The following ZDHHC11B variants were observed in gnomAD, a reference collection of about 807,000 sequenced individuals.
The protein encoded by ZDHHC11B is zDHHC palmitoyltransferase 11B (putative), also known as probable palmitoyltransferase ZDHHC11B.
In ZDHHC11B, 17 loss-of-function variants were observed where a neutral mutation model predicts 42.3. That is an observed-to-expected ratio of 0.40 (90% confidence interval 0.27 to 0.60). The LOEUF is 0.60. Among genes scored for constraint, ZDHHC11B ranks in the 20% least tolerant of loss-of-function variants. ZDHHC11B has a pLI of 0.41. For missense variants in ZDHHC11B, 262 were observed against 463.2 expected (o/e 0.57, Z 3.99); for synonymous variants, 123 against 193.5 (o/e 0.64, Z 3.02).
intron 1 of ZDHHC11B, among the ~76,000 whole-genome samples, chr5:784,191 A>ATC (rs1187143363): frequency 3.1e-3 from 466 of 148,840 alleles, no homozygotes; most frequent in African/African-American, 0.011. Flanking sequence ...GTGGCCAGGG[A>ATC]TCTCAAAACG....
At chr5:775,640 G>C (rs1736411373) in intron 1 of ZDHHC11B, among the ~76,000 whole-genome samples, 2 of 150,818 alleles carry the variant, frequency 1.3e-5, no homozygotes, top group Admixed American at 1.3e-4. Flanking sequence ...GATGACAATG[G>C]GTTCCCTGGT....
Position 763,658 on chromosome 5 carries a change from C to T in ZDHHC11B, c.222+3040G>A, listed in dbSNP as rs1233230678. Among the ~76,000 whole-genome samples, 2 of 151,686 alleles carry T rather than the reference C, an allele frequency of 1.3e-5. 1 individual carries two copies. The highest frequency in any genetic ancestry group is 2.9e-5 in the Non-Finnish European group (2 of 67,870). On this transcript the variant is annotated intron_variant, in intron 4 of 13. Coordinates refer to ENST00000508859, the MANE Select transcript of ZDHHC11B (RefSeq NM_001351303.2). ...CAGCAGCCCCATGGCACGTGGGCTCCTGATGTGAGCCACGCATCTGTAGAG... is the reference window on the plus strand; with the variant it reads ...CAGCAGCCCCATGGCACGTGGGCTCTTGATGTGAGCCACGCATCTGTAGAG...
intron 1 of ZDHHC11B, among the ~76,000 whole-genome samples, chr5:773,507 G>A (rs1736222497): frequency 6.6e-6 from 1 of 151,776 alleles, no homozygotes; most frequent in Non-Finnish European, 1.5e-5. Context: ...CCAGACCTGT[G>A]CCCACCATCC....
intron 4 of ZDHHC11B, among the ~76,000 whole-genome samples, chr5:757,167 T>C (rs414621): frequency 0.84 from 127,374 of 151,636 alleles, 53,836 homozygotes; most frequent in East Asian, 0.97. Context: ...CCTGCCTGGC[T>C]CCTGGACCGC....
At chr5:764,099 T>G (rs1734967562) in intron 4 of ZDHHC11B, among the ~76,000 whole-genome samples, 1 of 151,936 alleles carries the variant, frequency 6.6e-6, no homozygotes. Flanking sequence ...TCACTCTGCA[T>G]CCAGCCCCTA....
At chr5:776,970 A>C (rs1277256862) in intron 1 of ZDHHC11B, among the ~76,000 whole-genome samples, 1 of 151,892 alleles carries the variant, frequency 6.6e-6, no homozygotes, top group African/African-American at 2.4e-5. Flanking sequence ...AGAGCTCCCA[A>C]TCAGAACAAA....
In ZDHHC11B at chr5:745,208, A is replaced by G. The variant is rs767492575; in HGVS notation, c.875T>C (p.Val292Ala). The G allele has an allele frequency of 2.1e-5, 34 of 1,593,936 alleles. 1 individual carries two copies. The highest frequency in any genetic ancestry group is 4.5e-5 in the East Asian group (2 of 44,308). Reference protein sequence around the residue: ...KHQAVRKDPYVQMDKGFLQQG... With the variant: ...KHQAVRKDPYAQMDKGFLQQG... ...CTGGAGAAATCCTTTGTCCATTTGC[A>G]CGTATGGATCTTTCCTCACTGCTTG... The change falls in exon 9 of 14, where the codon GTG becomes GCG. Residue 292 changes from valine (V) to alanine (A), a missense_variant. By Grantham distance (64) the Val-to-Ala change is moderately conservative. This residue lies in a region of ZDHHC11B where 57 missense variants were observed against 103.3 expected (regional missense o/e 0.55). Coordinates refer to ENST00000508859, the MANE Select transcript of ZDHHC11B (RefSeq NM_001351303.2).
chr5:771,617 A>G (rs1424318188), intron 1 of ZDHHC11B, among the ~76,000 whole-genome samples: 1 of 151,312 alleles, frequency 6.6e-6, no homozygotes, highest in South Asian at 2.1e-4. Flanking sequence ...ATTTCTTTGA[A>G]ACAGGAGCTT....
rs557420727 is a variant in ZDHHC11B, at chr5:758,427, G to A, written c.223-2283C>T. 6.6e-5 allele frequency among the ~76,000 whole-genome samples: 10 copies of A among 151,884 alleles called. 1 individual carries two copies. Among genetic ancestry groups the A allele is most frequent in the East Asian group, 5.8e-4 (3 of 5,198 alleles). On this transcript the variant is annotated intron_variant, in intron 4 of 13. Coordinates refer to ENST00000508859, the MANE Select transcript of ZDHHC11B (RefSeq NM_001351303.2). ...CTCCGGGCTTCGCACAAAGAAGCCC[G>A]CTGCCAGGGAGACGGTGCTGCTGCT...
chr5:720,220 A>T (rs1239182290), intron 12 of ZDHHC11B, among the ~76,000 whole-genome samples: 1 of 151,868 alleles, frequency 6.6e-6, no homozygotes, highest in African/African-American at 2.4e-5. Flanking sequence ...GCTAAGACAC[A>T]TTACAGTTAG....
At chr5:738,834 G>C (rs1050375086) in intron 10 of ZDHHC11B, among the ~76,000 whole-genome samples, 2 of 150,144 alleles carry the variant, frequency 1.3e-5, no homozygotes, top group African/African-American at 5.0e-5. Context: ...AAATCTACAA[G>C]ATATCATCAG....
intron 1 of ZDHHC11B, among the ~76,000 whole-genome samples, chr5:779,907 T>C (rs1736838055): frequency 7.0e-6 from 1 of 143,478 alleles, no homozygotes; most frequent in Non-Finnish European, 1.5e-5. Flanking sequence ...CCAGAATATA[T>C]AAAGAACCTC....
At chr5:780,876 G>A (rs1468725305) in intron 1 of ZDHHC11B, among the ~76,000 whole-genome samples, 1 of 151,754 alleles carries the variant, frequency 6.6e-6, no homozygotes, top group Non-Finnish European at 1.5e-5. Flanking sequence ...TAGGAGAAGC[G>A]GGGGCCGGTG....
In ZDHHC11B at chr5:715,410, G is replaced by A. The variant is rs376652846; in HGVS notation, c.*7+1391C>T. 5.3e-4 allele frequency among the ~76,000 whole-genome samples: 80 copies of A among 151,424 alleles called. 4 individuals carry two copies. The highest frequency in any genetic ancestry group is 1.6e-3 in the Admixed American group (25 of 15,208). On this transcript the variant is annotated intron_variant, in intron 13 of 13. Coordinates refer to ENST00000508859, the MANE Select transcript of ZDHHC11B (RefSeq NM_001351303.2). ...AGCACGTAGACTCAGGTGCTGTTCT[G>A]TAGACATTCTACATGAGCTCAAGTT...
intron 4 of ZDHHC11B, among the ~76,000 whole-genome samples, chr5:763,373 G>GGAA (rs1554040852): frequency 7.8e-6 from 1 of 128,540 alleles, no homozygotes. Flanking sequence ...CCCATCTCGG[G>GGAA]AAAAAAAAAA....
chr5:750,729 C>T (rs1364555545), intron 7 of ZDHHC11B, among the ~76,000 whole-genome samples: 1 of 127,318 alleles, frequency 7.9e-6, no homozygotes, highest in African/African-American at 2.6e-5. Flanking sequence ...GCACCCTCAG[C>T]GCTGCCTCCA....
chr5:746,587 T>C (rs2127065190), intron 8 of ZDHHC11B, among the ~76,000 whole-genome samples: 2 of 146,744 alleles, frequency 1.4e-5, no homozygotes, highest in Admixed American at 7.1e-5. Context: ...AGGTCATCCC[T>C]CCCAGCCCCG....
chr5:741,915 CACGCAGGAG>C (rs1744203472), intron 9 of ZDHHC11B, among the ~76,000 whole-genome samples: 6 of 56,278 alleles, frequency 1.1e-4, no homozygotes, highest in Non-Finnish European at 2.0e-4. Flanking sequence ...ATTTAACTCC[CACGCAGGAG>C]ACTTGCAATT....
chr5:736,621 T>G lies in ZDHHC11B; in HGVS notation c.936-2782A>C, dbSNP rs529294380. On this transcript the variant is annotated intron_variant, in intron 10 of 13. Transcript: ENST00000508859. ...GAAAGTCAGAATTACATCAAGTATC[T>G]TTTCAGACCACAGGGGAATAAATTG... is the stretch of plus-strand genomic sequence containing the variant. Among the ~76,000 whole-genome samples the G allele has an allele frequency of 8.9e-3, 1,263 of 142,244 alleles. 72 individuals are homozygous for G. The highest frequency in any genetic ancestry group is 0.031 in the African/African-American group (1,207 of 38,420). The allele number at this position is 142,244 out of a possible 152,430, so 93.3% of individuals were successfully genotyped here.
Sources: gnomAD v4.1 joint callset for allele counts (sites outside exome capture counted in the v4.1 genomes callset) on GRCh38, gnomAD v4.1.1 for gene constraint, gnomAD v4.1.1 regional missense constraint, MANE v1.5 for transcripts, NCBI Gene and HGNC (gene_info 2026-07-23, HGNC 2026-07-21) for gene names.